ESS2: variants seen among roughly 807,000 people sequenced by gnomAD.
ESS2 encodes ess-2 spliceosome associated protein, also known as splicing factor ESS-2 homolog.
ESS2 carries 31 observed loss-of-function variants against 52.0 expected under a neutral mutation model. The ratio of observed to expected loss-of-function variants is 0.60; its 90% CI spans 0.45 to 0.81. ESS2 has a LOEUF of 0.81. ESS2 is among the 30% of genes least tolerant of loss of function. The pLI is 0.00. For synonymous variants in ESS2, 285 were observed against 259.2 expected, an observed-to-expected ratio of 1.10 and a Z score of -0.95; for missense variants, 602 against 637.2, an observed-to-expected ratio of 0.94 and a Z score of 0.59.
At position 19,132,706 on chromosome 22, in the gene ESS2, A is replaced by G. The variant is rs2083522916; in HGVS notation, c.*1490T>C. ...AACCACAGGGTGTGTGCAAGCATCA[A>G]GAGTGCCCAGTGAGGAGTGTTTTTC... is the stretch of plus-strand genomic sequence containing the variant. On this transcript the variant is annotated 3_prime_UTR_variant, in exon 10 of 10. Coordinates refer to ENST00000252137, the MANE Select transcript of ESS2 (RefSeq NM_022719.3). The surrounding 1 kb of genome is among the most constrained non-coding windows in gnomAD (Gnocchi z 4.2). The G allele has an allele frequency of 9.1e-6, 5 of 547,234 alleles. No homozygotes were observed. The Middle Eastern group carries it at 1.5e-3, about 161-fold the overall frequency. The allele number at this position is 547,234 out of a possible 1,614,324, so 33.9% of individuals were successfully genotyped here.
intron 7 of ESS2, chr22:19,137,695 C>T (rs549818616): frequency 7.8e-5 from 75 of 962,854 alleles, no homozygotes; most frequent in Non-Finnish European, 8.2e-5. Context: ...CCCCCAGCCA[C>T]GCAGGAGGAG....
Position 19,134,010 on chromosome 22 carries a change from T to G in ESS2, c.*186A>C. The G allele has an allele frequency of 3.5e-6, 2 of 575,160 alleles. No homozygotes were observed. Among genetic ancestry groups the G allele is most frequent in the Non-Finnish European group, 2.6e-6 (1 of 380,302 alleles). 35.6% of individuals were successfully genotyped at this position (575,160 alleles called of 1,614,324 possible). Reference sequence around the variant, plus strand: ...CAAACAGCTTGGCAAGGCCCTGGGGTGTGGTGTGGGCACGAGTGCCTTGTG... The same window carrying G: ...CAAACAGCTTGGCAAGGCCCTGGGGGGTGGTGTGGGCACGAGTGCCTTGTG... On this transcript the variant is annotated 3_prime_UTR_variant, in exon 10 of 10. Coordinates refer to ENST00000252137, the MANE Select transcript of ESS2 (RefSeq NM_022719.3).
Position 19,142,596 on chromosome 22 carries a change from A to G in ESS2, c.342T>C (p.His114=), listed in dbSNP as rs764792093. The G allele has an allele frequency of 1.4e-5, 23 of 1,613,772 alleles. No individual in the cohort carries two copies. The highest frequency in any genetic ancestry group is 1.9e-5 in the Non-Finnish European group (23 of 1,179,866). The change falls in exon 3 of 10, where the codon CAT becomes CAC. Residue 114 remains histidine (H), a synonymous_variant. Transcript: ENST00000252137. ...TPATFETPEV[H]AGTGVVGNKP... is the part of the protein sequence containing the mutation. ...TGTTGCCCACCACTCCAGTGCCTGC[A>G]TGCACCTCAGGGGTTTCAAATGTGG...
intron 8 of ESS2, among the ~76,000 whole-genome samples, chr22:19,135,475 T>C (rs1206697028): frequency 6.6e-6 from 1 of 152,234 alleles, no homozygotes; most frequent in Non-Finnish European, 1.5e-5. Context: ...TCTCTGTCTT[T>C]ATCGGCGCTC....
chr22:19,143,684 C>T (rs1382298653), intron 1 of ESS2, among the ~76,000 whole-genome samples: 2 of 151,826 alleles, frequency 1.3e-5, no homozygotes, highest in Non-Finnish European at 2.9e-5. Context: ...GGTGAAACCC[C>T]ACCACTACTA....
rs367552506 is a variant in ESS2 at position 19,134,285 on chromosome 22, T to G, written c.1342A>C (p.Thr448Pro). The G allele has an allele frequency of 6.3e-7, 1 of 1,597,038 alleles. No individual in the cohort carries two copies. The highest frequency in any genetic ancestry group is 1.3e-5 in the African/African-American group (1 of 74,430). The change falls in exon 10 of 10, where the codon ACA becomes CCA. Residue 448 changes from threonine (T) to proline (P), a missense_variant. Coordinates refer to ENST00000252137, the MANE Select transcript of ESS2 (RefSeq NM_022719.3). Reference protein sequence around the residue: ...PTSTPAPGSATRTPLTQDPAS... With the variant: ...PTSTPAPGSAPRTPLTQDPAS... ...GGGTCCTGTGTGAGAGGGGTGCGTG[T>G]GGCAGAGCCAGGCGCCGGTGTGCTT... is the stretch of plus-strand genomic sequence containing the variant.
chr22:19,135,167 C>T lies in ESS2; in HGVS notation c.1044G>A (p.Glu348=), dbSNP rs751759634. Reference sequence around the variant, plus strand: ...GACCCAGCCGCTCCCTGCGGCCTGGCTCCAGGATCTACAAGGTAGCAGGTG... The same window carrying T: ...GACCCAGCCGCTCCCTGCGGCCTGGTTCCAGGATCTACAAGGTAGCAGGTG... The part of the protein sequence containing the change: ...RTPGPAFKIL[E]PGRRERLGLK... The change falls in exon 9 of 10, where the codon GAG becomes GAA. Residue 348 remains glutamate, a synonymous_variant. Coordinates refer to ENST00000252137, the MANE Select transcript of ESS2 (RefSeq NM_022719.3). 2 of 1,613,198 alleles carry T rather than the reference C, an allele frequency of 1.2e-6. No individual in the cohort carries two copies. Among genetic ancestry groups the T allele is most frequent in the Non-Finnish European group, 1.7e-6 (2 of 1,179,370 alleles).
At position 19,132,269 on chromosome 22, in the gene ESS2, G is replaced by C; in HGVS notation, c.*1927C>G. ...CTGCCTCCTTCAAGAGGGAGGGGGAGGGCAAGTACCGCGCTGAGTGCAAAC... is the reference window on the plus strand; with the variant it reads ...CTGCCTCCTTCAAGAGGGAGGGGGACGGCAAGTACCGCGCTGAGTGCAAAC... On this transcript the variant is annotated 3_prime_UTR_variant, in exon 10 of 10. Transcript: ENST00000252137. The surrounding 1 kb of genome is among the most constrained non-coding windows in gnomAD (Gnocchi z 4.2). 1 of 1,612,818 alleles carries C rather than the reference G, an allele frequency of 6.2e-7. No homozygotes were observed. Among genetic ancestry groups the C allele is most frequent in the South Asian group, 1.1e-5 (1 of 91,016 alleles).
rs752479055 is a variant in ESS2, at chr22:19,130,928, T to C, written c.*3268A>G. The C allele has an allele frequency of 1.6e-5, 3 of 186,616 alleles. No individual in the cohort carries two copies. The highest frequency in any genetic ancestry group is 2.4e-5 in the African/African-American group (1 of 42,040). 11.6% of individuals were successfully genotyped at this position (186,616 alleles called of 1,614,324 possible). On this transcript the variant is annotated 3_prime_UTR_variant, in exon 10 of 10. Coordinates refer to ENST00000252137, the MANE Select transcript of ESS2 (RefSeq NM_022719.3). The stretch of plus-strand genomic sequence containing the variant: ...CCAAGGACACAGCCCTGGGGGTGCT[T>C]TTCTTCATAGCCAAAGAAGCTGCAG...
chr22:19,137,485 TC>T, intron 7 of ESS2, 53 bp from the exon 8 acceptor site: 1 of 1,323,862 alleles, frequency 7.6e-7, no homozygotes, highest in South Asian at 1.3e-5. Context: ...CCCACCACCC[TC>T]CCCTCCAGTC....
At chr22:19,138,503 T>C (rs2083625780) in intron 6 of ESS2, 186 bp from the exon 7 acceptor site, 1 of 713,362 alleles carries the variant, frequency 1.4e-6, no homozygotes, top group Non-Finnish European at 2.6e-6. Flanking sequence ...CCAAAAGACC[T>C]TGAGGGCCTG....
In ESS2 at chr22:19,132,511, G is replaced by A. The variant is rs201838544; in HGVS notation, c.*1685C>T. The A allele has an allele frequency of 7.3e-5, 114 of 1,560,658 alleles. No homozygotes were observed. Among genetic ancestry groups the A allele is most frequent in the Middle Eastern group, 1.7e-4 (1 of 5,822 alleles). On this transcript the variant is annotated 3_prime_UTR_variant, in exon 10 of 10. Transcript: ENST00000252137. The surrounding 1 kb of genome is among the most constrained non-coding windows in gnomAD (Gnocchi z 4.2). ...GGCCCCGTTGTGTGTGGTGGGGGTC[G>A]GGGTTGGGGGGCATGGTGCAGTCGG...
intron 6 of ESS2, 27 bp from the exon 7 acceptor site, chr22:19,138,344 AG>A: frequency 6.2e-7 from 1 of 1,607,212 alleles, no homozygotes; most frequent in Non-Finnish European, 8.5e-7. Flanking sequence ...GGCTGGCATC[AG>A]GGGGACCGCA....
intron 7 of ESS2, chr22:19,137,905 G>C (rs2083611747): frequency 1.0e-6 from 1 of 985,234 alleles, no homozygotes; most frequent in Non-Finnish European, 1.2e-6. Flanking sequence ...GCAGTGCTAG[G>C]TAGACTTAGA....
At position 19,131,926 on chromosome 22, in the gene ESS2, G is replaced by C; in HGVS notation, c.*2270C>G. 2 of 1,614,092 alleles carry C rather than the reference G, an allele frequency of 1.2e-6. No individual in the cohort carries two copies. The highest frequency in any genetic ancestry group is 2.2e-5 in the East Asian group (1 of 44,880). ...CGCATCATCCTCAGCAAGACCTTCT[G>C]CGGGTCGGCAGCATATGCAGCCCCC... On this transcript the variant is annotated 3_prime_UTR_variant, in exon 10 of 10. Coordinates refer to ENST00000252137, the MANE Select transcript of ESS2 (RefSeq NM_022719.3). The surrounding 1 kb of genome is among the most constrained non-coding windows in gnomAD (Gnocchi z 5.7).
At position 19,142,651 on chromosome 22, in the gene ESS2, G is replaced by C. The variant is rs186093671; in HGVS notation, c.305-18C>G. 6.2e-7 allele frequency: 1 copy of C among 1,611,120 alleles called. No individual in the cohort carries two copies. On this transcript the variant is annotated intron_variant, in intron 2 of 9. Transcript: ENST00000252137. ...AGTCACATCTAGGGGAAGAGAGGGG[G>C]ATAAGAATTAGAGTGAGCCTGAAGC...
In ESS2 at chr22:19,139,274, T is replaced by C; in HGVS notation, c.707A>G (p.Gln236Arg). Residue 236 changes from glutamine to arginine, a missense_variant, in exon 6 of 10, where the codon CAG (glutamine) becomes CGG (arginine). Physicochemically the swap from Gln to Arg is conservative, Grantham distance 43. Transcript: ENST00000252137. ...YYPEGVPDEE[Q>R]LFKKPRQVVH... Reference sequence around the variant, plus strand: ...CACCTGCCGGGGCTTCTTAAACAGCTGCTCCTCGTCAGGGACACCTGGCAG... The same window carrying C: ...CACCTGCCGGGGCTTCTTAAACAGCCGCTCCTCGTCAGGGACACCTGGCAG... The C allele has an allele frequency of 6.2e-7, 1 of 1,601,422 alleles. No homozygotes were observed. The highest frequency in any genetic ancestry group is 2.2e-5 in the East Asian group (1 of 44,528).
rs371206194 is a variant in ESS2 at position 19,138,352 on chromosome 22, C to T, written c.823-35G>A. Reference sequence around the variant, plus strand: ...GCAGAGAGGCTGGCATCAGGGGGACCGCAGCCCACGCTCGACAGCTGGCCG... The same window carrying T: ...GCAGAGAGGCTGGCATCAGGGGGACTGCAGCCCACGCTCGACAGCTGGCCG... On this transcript the variant is annotated intron_variant, in intron 6 of 9. Coordinates refer to ENST00000252137, the MANE Select transcript of ESS2 (RefSeq NM_022719.3). 1.6e-5 allele frequency: 25 copies of T among 1,591,030 alleles called. No homozygotes were observed. The African/African-American group carries it at 1.9e-4, about 12-fold the overall frequency.
intron 6 of ESS2, 127 bp downstream of exon 6, chr22:19,139,032 G>C (rs989206347): frequency 1.7e-5 from 22 of 1,296,776 alleles, no homozygotes; most frequent in Non-Finnish European, 2.2e-5. Flanking sequence ...GGATCCTGCC[G>C]CACAGGGCCC....
Sources: allele counts gnomAD v4.1 joint callset (sites outside exome capture counted in the v4.1 genomes callset), GRCh38; gene constraint gnomAD v4.1.1; non-coding constraint Gnocchi (gnomAD v3.1); transcripts MANE v1.5; gene names NCBI Gene and HGNC (gene_info 2026-07-23, HGNC 2026-07-21).